The following ANO7 variants were observed in gnomAD, a reference collection of about 807,000 sequenced individuals.
ANO7 encodes anoctamin-7.
Under a neutral mutation model 115.8 loss-of-function variants are expected in ANO7, and 114 were observed. The ratio of observed to expected loss-of-function variants is 0.98; its 90% CI spans 0.85 to 1.15. The LOEUF (loss-of-function observed/expected upper bound fraction) is 1.15, where lower values mean the gene tolerates loss of function less well. Ranked by LOEUF, ANO7 falls within the 50% of genes most tolerant of loss-of-function variation. The pLI is 0.00. For missense variants in ANO7, 1,302 were observed against 1,201.2 expected, an observed-to-expected ratio of 1.08 and a Z score of -1.24; for synonymous variants, 550 against 498.2, an observed-to-expected ratio of 1.10 and a Z score of -1.38.
chr2:241,199,382 T>G lies in ANO7; in HGVS notation c.376T>G (p.Cys126Gly). ...ALLSASWAVLCYYAEDLRLKL... is the reference protein window; with the variant it reads ...ALLSASWAVLGYYAEDLRLKL... ...CCTCAGCGCCTCCTGGGCTGTGCTCTGCTACTACGCCGAAGACCTGCGCCT... is the reference window on the plus strand; with the variant it reads ...CCTCAGCGCCTCCTGGGCTGTGCTCGGCTACTACGCCGAAGACCTGCGCCT... Residue 126 changes from cysteine (C) to glycine (G), a missense_variant, in exon 5 of 25, where the codon TGC becomes GGC. Transcript: ENST00000674324. The G allele has an allele frequency of 6.2e-7, 1 of 1,613,832 alleles. No individual in the cohort carries two copies. The highest frequency in any genetic ancestry group is 8.5e-7 in the Non-Finnish European group (1 of 1,180,024).
chr2:241,198,919 C>T (rs4675824), intron 4 of ANO7, among the ~76,000 whole-genome samples: 125,606 of 152,234 alleles, frequency 0.83, 51,901 homozygotes, highest in East Asian at 0.9. Context: ...ACCTGGTGAC[C>T]GATCAAAGGT....
intron 22 of ANO7, 129 bp from the exon 23 acceptor site, chr2:241,223,533 C>CT (rs1002613590): frequency 3.4e-6 from 5 of 1,450,658 alleles, no homozygotes; most frequent in Non-Finnish European, 4.7e-6. Context: ...TCTGGGGTTC[C>CT]TTTTCCTGCA....
intron 13 of ANO7, among the ~76,000 whole-genome samples, 175 bp downstream of exon 13, chr2:241,209,810 G>T (rs754365316): frequency 2.0e-5 from 3 of 152,170 alleles, no homozygotes; most frequent in Non-Finnish European, 4.4e-5. Context: ...TCCCGGCTGA[G>T]AGCAGGTGTG....
At chr2:241,235,428 G>A in the ANO7 span, 5 of 1,459,052 alleles carry the variant, frequency 3.4e-6, no homozygotes, top group Non-Finnish European at 4.8e-6. Context: ...AAGGACACTG[G>A]CACTCGGGAG....
At chr2:241,191,111 G>T (rs2068191203) in intron 2 of ANO7, 83 bp from the exon 3 acceptor site, 1 of 1,510,658 alleles carries the variant, frequency 6.6e-7, no homozygotes, top group Non-Finnish European at 9.1e-7. Flanking sequence ...GGCGAGGACG[G>T]CTTCAGGGTG....
chr2:241,189,957 C>A, intron 1 of ANO7, 100 bp from the exon 2 acceptor site: 1 of 888,442 alleles, frequency 1.1e-6, no homozygotes, highest in South Asian at 1.6e-5. Flanking sequence ...CGAGTCGAGT[C>A]TGTAAAGTGA....
At chr2:241,210,421 G>T (rs778662916) in intron 14 of ANO7, 28 bp downstream of exon 14, 2 of 1,613,664 alleles carry the variant, frequency 1.2e-6, no homozygotes, top group Admixed American at 1.7e-5. Flanking sequence ...GCCTCGGGGG[G>T]CCCTGAGCGG....
At chr2:241,201,686 C>T (rs1013534069) in intron 7 of ANO7, among the ~76,000 whole-genome samples, 2 of 152,234 alleles carry the variant, frequency 1.3e-5, no homozygotes, top group African/African-American at 4.8e-5. Context: ...TGCCCTGCAG[C>T]GTCGGAGGAA....
intron 21 of ANO7, among the ~76,000 whole-genome samples, chr2:241,222,486 C>A (rs1045064134): frequency 3.9e-5 from 6 of 152,156 alleles, no homozygotes; most frequent in African/African-American, 1.2e-4. Flanking sequence ...CTCCCAGTCC[C>A]CAGTCTCTCT....
At chr2:241,209,210 G>A (rs1332980939) in intron 11 of ANO7, 75 bp from the exon 12 acceptor site, 3 of 1,467,412 alleles carry the variant, frequency 2.0e-6, no homozygotes, top group Non-Finnish European at 2.7e-6. Context: ...TCCCATTCCA[G>A]GAGGAAGGAA....
At chr2:241,205,330 TC>T (rs1240251394) in intron 10 of ANO7, among the ~76,000 whole-genome samples, 1 of 150,640 alleles carries the variant, frequency 6.6e-6, no homozygotes, top group Non-Finnish European at 1.5e-5. Context: ...ATAGGAGTGC[TC>T]CCAGGCTGAC....
In ANO7 at chr2:241,210,321, G is replaced by T. The variant is rs1439534914; in HGVS notation, c.1386G>T (p.Val462=). Residue 462 remains valine (V), a synonymous_variant, in exon 14 of 25, where the codon GTG becomes GTT. Transcript: ENST00000674324. ...VMVAVVVMCL[V]SIILYRAIMA... ...TGGCCGTGGTGGTCATGTGCCTCGT[G>T]TCTATCATCCTGTACCGTGCCATCA... 6.2e-7 allele frequency: 1 copy of T among 1,614,028 alleles called. No homozygotes were observed. The highest frequency in any genetic ancestry group is 2.2e-5 in the East Asian group (1 of 44,868).
chr2:241,232,931 G>C, the ANO7 span, among the ~76,000 whole-genome samples: 8 of 152,194 alleles, frequency 5.3e-5, no homozygotes, highest in East Asian at 1.5e-3. Flanking sequence ...TCCTGGCCTG[G>C]CTGGTGTGTG....
rs546378555 is a variant in ANO7, at chr2:241,211,834, A to G, written c.1562-260A>G. On this transcript the variant is annotated intron_variant, in intron 15 of 24. Transcript: ENST00000674324. ...AGCCTCTATTCTGTTTCTCTGACCC[A>G]TCCCCTGACCACTCACCCGTGTGCA... Among the ~76,000 whole-genome samples the G allele has an allele frequency of 2.6e-5, 4 of 152,228 alleles. No individual in the cohort carries two copies. In the South Asian group the frequency reaches 6.2e-4, roughly 24 times the overall value.
At chr2:241,235,379 G>A in the ANO7 span, 2 of 1,489,990 alleles carry the variant, frequency 1.3e-6, no homozygotes, top group African/African-American at 1.4e-5. Flanking sequence ...TCAGTGCCCA[G>A]TCCGAGCAGG....
chr2:241,236,792 A>G, the ANO7 span: 5 of 1,610,722 alleles, frequency 3.1e-6, no homozygotes, highest in Admixed American at 3.4e-5. Flanking sequence ...GGGAAAAGGG[A>G]CAGCTGACAG....
Position 241,204,948 on chromosome 2 carries a change from A to C in ANO7, c.973A>C (p.Ile325Leu). ...GGGCTGCTTCCTGGTGTTCTCAGAC[A>C]TACCCACGTGAGTGTTCCCTCTCCG... ...LVGCFLVFSD[I>L]PTQELCGSKD... The change falls in exon 10 of 25, where the codon ATA (isoleucine) becomes CTA (leucine). Residue 325 changes from isoleucine to leucine, a missense_variant. By Grantham distance (5) the Ile-to-Leu change is conservative. Coordinates refer to ENST00000674324, the MANE Select transcript of ANO7 (RefSeq NM_001370694.2). The C allele has an allele frequency of 3.1e-6, 5 of 1,613,988 alleles. No homozygotes were observed. The highest frequency in any genetic ancestry group is 3.4e-6 in the Non-Finnish European group (4 of 1,179,894).
chr2:241,239,962 A>G, the ANO7 span: 26 of 1,614,006 alleles, frequency 1.6e-5, no homozygotes, highest in East Asian at 4.5e-5. The surrounding 1 kb of genome is among the most constrained non-coding windows in gnomAD (Gnocchi z 4.6). Flanking sequence ...CTCCTTTCCA[A>G]TGATGGTGAT....
intron 3 of ANO7, among the ~76,000 whole-genome samples, chr2:241,194,351 G>A (rs536485719): frequency 2.1e-4 from 28 of 132,908 alleles, no homozygotes; most frequent in African/African-American, 7.5e-4. Flanking sequence ...CTGTTGCCCT[G>A]TTGCCCAGGC....
Sources: allele counts gnomAD v4.1 joint callset (sites outside exome capture counted in the v4.1 genomes callset), GRCh38; gene constraint gnomAD v4.1.1; non-coding constraint Gnocchi (gnomAD v3.1); transcripts MANE v1.5; gene names NCBI Gene and HGNC (gene_info 2026-07-23, HGNC 2026-07-21).